AKAP8L: variants seen among roughly 807,000 people sequenced by gnomAD.
The protein encoded by AKAP8L is A-kinase anchoring protein 8 like, also known as A-kinase anchor protein 8-like.
A neutral mutation model predicts 77.5 loss-of-function variants in AKAP8L; 34 were observed. The observed-to-expected ratio is 0.44, with a 90% CI of 0.33 to 0.58. AKAP8L has a LOEUF of 0.58. Ranked by LOEUF, AKAP8L falls within the 20% of genes least tolerant of loss-of-function variation. AKAP8L has a pLI of 0.02. For synonymous variants in AKAP8L, 342 were observed against 340.7 expected (o/e 1.00, Z -0.04); for missense variants, 806 against 887.6 (o/e 0.91, Z 1.17).
At chr19:15,407,415 C>A (rs1393574212) in intron 2 of AKAP8L, among the ~76,000 whole-genome samples, 1 of 152,116 alleles carries the variant, frequency 6.6e-6, no homozygotes, top group Non-Finnish European at 1.5e-5. Context: ...ATTGTTCTTG[C>A]AATTCAAGCC....
intron 1 of AKAP8L, among the ~76,000 whole-genome samples, chr19:15,414,393 A>T (rs1968164548): frequency 6.6e-6 from 1 of 151,378 alleles, no homozygotes. Flanking sequence ...TTCTCTTGGT[A>T]CAATTTATCA....
chr19:15,411,360 A>C (rs1201048018), intron 1 of AKAP8L, among the ~76,000 whole-genome samples: 1 of 152,152 alleles, frequency 6.6e-6, no homozygotes, highest in East Asian at 1.9e-4. Flanking sequence ...TATAACAATT[A>C]TAACAATTAT....
Position 15,380,352 on chromosome 19 carries a change from C to A in AKAP8L, c.1711G>T (p.Ala571Ser), listed in dbSNP as rs1967376873. The A allele has an allele frequency of 1.3e-6, 2 of 1,552,326 alleles. No homozygotes were observed. The highest frequency in any genetic ancestry group is 8.7e-7 in the Non-Finnish European group (1 of 1,152,752). Reference sequence around the variant, plus strand: ...GAGATCCCTGCCGCTTCGCCCTGCGCCCCCTCGTCCAGGGCACCGCCCTCA... The same window carrying A: ...GAGATCCCTGCCGCTTCGCCCTGCGACCCCTCGTCCAGGGCACCGCCCTCA... ...EAEGGALDEG[A>S]QGEAAGISEG... Residue 571 changes from alanine (A) to serine (S), a missense_variant, in exon 14 of 14, where the codon GCG (alanine) becomes TCG (serine). Around this residue, in one of 2 missense-constraint regions of AKAP8L, gnomAD observed 226 missense variants for 193.5 expected, o/e 1.17. Coordinates refer to ENST00000397410, the MANE Select transcript of AKAP8L (RefSeq NM_014371.4).
rs1184420102 is a variant in AKAP8L at position 15,380,619 on chromosome 19, G to T, written c.1537-7C>A. The T allele has an allele frequency of 1.2e-6, 2 of 1,612,930 alleles. No homozygotes were observed. Among genetic ancestry groups the T allele is most frequent in the African/African-American group, 2.7e-5 (2 of 74,916 alleles). On this transcript the variant is annotated splice_region_variant and splice_polypyrimidine_tract_variant and intron_variant, in intron 12 of 13. Transcript: ENST00000397410. ...TGGACTGCTCCATCATGAGCTGCGGGCAGGGCAGAAGGAGCTGGAGAGGCT... is the reference window on the plus strand; with the variant it reads ...TGGACTGCTCCATCATGAGCTGCGGTCAGGGCAGAAGGAGCTGGAGAGGCT...
rs903617092 is a variant in AKAP8L at position 15,400,993 on chromosome 19, G to C, written c.867C>G (p.Ser289Arg). 7 of 1,613,956 alleles carry C rather than the reference G, an allele frequency of 4.3e-6. No individual in the cohort carries two copies. The highest frequency in any genetic ancestry group is 5.9e-6 in the Non-Finnish European group (7 of 1,179,884). Residue 289 changes from serine (S) to arginine (R), a missense_variant, in exon 6 of 14, where the codon AGC becomes AGG. Coordinates refer to ENST00000397410, the MANE Select transcript of AKAP8L (RefSeq NM_014371.4). ...CCGAGCAGTCCGTGCGGGTGGCTTT[G>C]CTATCTGGCTCATCAGGACTGCCGC... The part of the protein sequence containing the change: ...KQGGSPDEPD[S>R]KATRTDCSDN...
At chr19:15,382,303 G>A (rs1193363847) in intron 12 of AKAP8L, among the ~76,000 whole-genome samples, 4 of 151,266 alleles carry the variant, frequency 2.6e-5, no homozygotes, top group Non-Finnish European at 5.9e-5. Context: ...CCAGGTTTAG[G>A]CAATTCTCAT....
chr19:15,407,969 T>C (rs1368800979), intron 2 of AKAP8L, among the ~76,000 whole-genome samples: 1 of 152,236 alleles, frequency 6.6e-6, no homozygotes, highest in Non-Finnish European at 1.5e-5. Flanking sequence ...GGAGGACTCA[T>C]ATTTCAAGAT....
At chr19:15,395,441 G>A (rs566392475) in intron 12 of AKAP8L, among the ~76,000 whole-genome samples, 1 of 151,740 alleles carries the variant, frequency 6.6e-6, no homozygotes, top group East Asian at 2.0e-4. Context: ...TTGGCCTCCC[G>A]AGTAGCTGGG....
At chr19:15,408,566 A>C (rs1968046528) in intron 2 of AKAP8L, among the ~76,000 whole-genome samples, 1 of 77,328 alleles carries the variant, frequency 1.3e-5, no homozygotes, top group Non-Finnish European at 2.7e-5. Flanking sequence ...TCCATCTCAA[A>C]AAAAAAAAAA....
intron 1 of AKAP8L, 113 bp downstream of exon 1, chr19:15,418,798 G>C (rs1052073096): frequency 8.5e-6 from 9 of 1,064,838 alleles, no homozygotes; most frequent in African/African-American, 1.6e-5. Context: ...TTTTGTGACC[G>C]CAGGGAAGGC....
intron 12 of AKAP8L, among the ~76,000 whole-genome samples, chr19:15,384,534 AG>A: frequency 6.6e-6 from 1 of 151,236 alleles, no homozygotes; most frequent in Non-Finnish European, 1.5e-5. Flanking sequence ...TCCTGACCTC[AG>A]GCAATCCACC....
chr19:15,406,362 G>GGAGGGA (rs1555700856), intron 2 of AKAP8L, among the ~76,000 whole-genome samples: 2 of 89,364 alleles, frequency 2.2e-5, no homozygotes, highest in East Asian at 2.8e-4. Flanking sequence ...GAAATTTTAA[G>GGAGGGA]GAGAGAGAGA....
chr19:15,399,169 C>G lies in AKAP8L; in HGVS notation c.1157+133G>C. 1.3e-6 allele frequency: 1 copy of G among 763,382 alleles called. No individual in the cohort carries two copies. Among genetic ancestry groups the G allele is most frequent in the Non-Finnish European group, 2.2e-6 (1 of 455,300 alleles). 47.3% of individuals were successfully genotyped at this position (763,382 alleles called of 1,614,324 possible). ...AGCTGGGCCTGGCGGGAAGCAGGGT[C>G]CATGCACGGCCGAGCAGGTGGCGGC... On this transcript the variant is annotated intron_variant, in intron 9 of 13. Coordinates refer to ENST00000397410, the MANE Select transcript of AKAP8L (RefSeq NM_014371.4). This position sits in a 1 kb window ranked among gnomAD's most constrained non-coding sequence, Gnocchi z 6.1.
At chr19:15,417,342 C>T (rs961977233) in intron 1 of AKAP8L, among the ~76,000 whole-genome samples, 4 of 152,294 alleles carry the variant, frequency 2.6e-5, no homozygotes, top group African/African-American at 9.6e-5. Context: ...GTCTTTCCTC[C>T]TGAACTAGGA....
chr19:15,388,667 G>A (rs1262819270), intron 12 of AKAP8L, among the ~76,000 whole-genome samples: 1 of 152,188 alleles, frequency 6.6e-6, no homozygotes, highest in African/African-American at 2.4e-5. Context: ...TGTAATCCCA[G>A]CACTTTGGGA....
chr19:15,418,876 C>A, intron 1 of AKAP8L, 35 bp downstream of exon 1: 1 of 1,592,298 alleles, frequency 6.3e-7, no homozygotes. Context: ...GTCCCATCCC[C>A]CACGCAGAGC....
chr19:15,410,407 A>T (rs1968084878), intron 2 of AKAP8L, 113 bp downstream of exon 2: 2 of 890,560 alleles, frequency 2.2e-6, no homozygotes, highest in Non-Finnish European at 3.5e-6. Flanking sequence ...ACCATTTCAC[A>T]CAAGTTTAGG....
At chr19:15,416,419 T>C (rs1321646989) in intron 1 of AKAP8L, among the ~76,000 whole-genome samples, 2 of 152,146 alleles carry the variant, frequency 1.3e-5, no homozygotes, top group Non-Finnish European at 2.9e-5. Flanking sequence ...CCAGCCACCA[T>C]GTTGTGAGGA....
Position 15,397,193 on chromosome 19 carries a change from A to G in AKAP8L, c.1493T>C (p.Ile498Thr). 1 of 1,613,982 alleles carries G rather than the reference A, an allele frequency of 6.2e-7. No homozygotes were observed. Residue 498 changes from isoleucine to threonine, a missense_variant, in exon 12 of 14, where the codon ATC becomes ACC. Ile to Thr is a moderately conservative substitution (Grantham distance 89, BLOSUM62 -1). Coordinates refer to ENST00000397410, the MANE Select transcript of AKAP8L (RefSeq NM_014371.4). The surrounding 1 kb of genome is among the most constrained non-coding windows in gnomAD (Gnocchi z 4.7). ...ATCCATGGTCTTCAGATGCTTCTGG[A>G]TGATCCCAAACTGCATGGGAATGAA... The part of the protein sequence containing the change: ...DLFIPMQFGI[I>T]QKHLKTMDHN...
Sources: allele counts gnomAD v4.1 joint callset (sites outside exome capture counted in the v4.1 genomes callset), GRCh38; gene constraint gnomAD v4.1.1; regional missense constraint gnomAD v4.1.1; non-coding constraint Gnocchi (gnomAD v3.1); transcripts MANE v1.5; gene names NCBI Gene and HGNC (gene_info 2026-07-23, HGNC 2026-07-21).